Variants in SYT16 observed in about 807,000 individuals in gnomAD.
SYT16 encodes synaptotagmin 16, also known as synaptotagmin-16.
Under a neutral mutation model 61.4 loss-of-function variants are expected in SYT16, and 42 were observed. The ratio of observed to expected loss-of-function variants is 0.68; its 90% CI spans 0.53 to 0.89. SYT16 has a LOEUF of 0.89. Ranked by LOEUF, SYT16 falls within the 40% of genes least tolerant of loss-of-function variation. The pLI is 0.00. For synonymous variants in SYT16, 314 were observed against 302.3 expected, an observed-to-expected ratio of 1.04 and a Z score of -0.40; for missense variants, 804 against 807.3, an observed-to-expected ratio of 1.00 and a Z score of 0.05.
intron 1 of SYT16, among the ~76,000 whole-genome samples, chr14:61,926,415 T>C (rs949772872): frequency 2.4e-4 from 36 of 152,180 alleles, no homozygotes; most frequent in Non-Finnish European, 5.0e-4. Context: ...TCAGTCTCTG[T>C]ATGGGGAATG....
chr14:62,060,429 A>AGTT (rs1193563361), intron 3 of SYT16, among the ~76,000 whole-genome samples: 1 of 150,954 alleles, frequency 6.6e-6, no homozygotes, highest in African/African-American at 2.4e-5. Context: ...TAGTTCTCAC[A>AGTT]GTTGATTTTA....
chr14:62,047,982 T>C (rs1595260930), intron 3 of SYT16, among the ~76,000 whole-genome samples: 3 of 152,258 alleles, frequency 2.0e-5, no homozygotes, highest in Admixed American at 2.0e-4. Context: ...AGGATGATGC[T>C]GGCCTCATAA....
At chr14:61,829,946 G>A (rs1464475464) in intron 1 of SYT16, among the ~76,000 whole-genome samples, 1 of 152,124 alleles carries the variant, frequency 6.6e-6, no homozygotes, top group Non-Finnish European at 1.5e-5. Context: ...GAGCCACCAT[G>A]CCCGGCTTTA....
At position 61,886,880 on chromosome 14, in the gene SYT16, CT is replaced by C. The variant is rs371140698; in HGVS notation, c.-325+74085del. 1.7e-3 allele frequency among the ~76,000 whole-genome samples: 184 copies of C among 110,842 alleles called. 4 individuals carry two copies. In the East Asian group the frequency reaches 0.026, roughly 16 times the overall value. 72.7% of individuals were successfully genotyped at this position (110,842 alleles called of 152,430 possible). On this transcript the variant is annotated intron_variant, in intron 1 of 7. Coordinates refer to ENST00000683842, the MANE Select transcript of SYT16 (RefSeq NM_001367656.1). ...GGAGTTACGCTTATTTTTTTTTTGT[CT>C]TTTTTTTTTTTTTTGTCTTTTTTTT...
At chr14:61,934,713 C>T (rs1305840699) in intron 1 of SYT16, among the ~76,000 whole-genome samples, 1 of 152,196 alleles carries the variant, frequency 6.6e-6, no homozygotes, top group African/African-American at 2.4e-5. Context: ...CTTGTGGAAC[C>T]TGGGACAAAT....
intron 7 of SYT16, among the ~76,000 whole-genome samples, chr14:62,089,835 C>T (rs1053516110): frequency 6.6e-6 from 1 of 152,228 alleles, no homozygotes; most frequent in African/African-American, 2.4e-5. Flanking sequence ...TGTATAGTGT[C>T]TAGCAGACAT....
intron 3 of SYT16, among the ~76,000 whole-genome samples, chr14:62,050,317 C>T (rs921524681): frequency 1.3e-5 from 2 of 152,210 alleles, no homozygotes; most frequent in African/African-American, 4.8e-5. Flanking sequence ...TGGTTTTCAG[C>T]TCCATCAGGT....
Position 61,931,149 on chromosome 14 carries a change from C to T in SYT16, c.-324-38983C>T, listed in dbSNP as rs76406771. 5.9e-3 allele frequency among the ~76,000 whole-genome samples: 896 copies of T among 152,166 alleles called. 10 individuals are homozygous for T. The highest frequency in any genetic ancestry group is 0.02 in the African/African-American group (839 of 41,532). Reference sequence around the variant, plus strand: ...TTCTTGTCTTTAAGGCTTTCAGTGGCTCCCCTACCTCCACACTGTCTATGC... The same window carrying T: ...TTCTTGTCTTTAAGGCTTTCAGTGGTTCCCCTACCTCCACACTGTCTATGC... On this transcript the variant is annotated intron_variant, in intron 1 of 7. Transcript: ENST00000683842.
At chr14:61,960,469 A>G (rs2051072347) in intron 1 of SYT16, among the ~76,000 whole-genome samples, 1 of 151,948 alleles carries the variant, frequency 6.6e-6, no homozygotes, top group African/African-American at 2.4e-5. Flanking sequence ...GTCTATTGTG[A>G]ATGGGATTTT....
chr14:62,080,461 A>T (rs1270754781), intron 5 of SYT16, among the ~76,000 whole-genome samples: 1 of 152,220 alleles, frequency 6.6e-6, no homozygotes, highest in Admixed American at 6.5e-5. Flanking sequence ...TAGGGACACA[A>T]GGAAAAGTTG....
chr14:61,837,218 G>A (rs1454395227), intron 1 of SYT16, among the ~76,000 whole-genome samples: 1 of 151,154 alleles, frequency 6.6e-6, no homozygotes, highest in East Asian at 1.9e-4. Flanking sequence ...ATTCTCCACT[G>A]AGTGGCAGAG....
At chr14:61,875,676 G>T (rs1013336213) in intron 1 of SYT16, among the ~76,000 whole-genome samples, 20 of 152,162 alleles carry the variant, frequency 1.3e-4, no homozygotes, top group African/African-American at 4.6e-4. Context: ...AGCTGGGTTG[G>T]TGGATACTCC....
intron 7 of SYT16, among the ~76,000 whole-genome samples, chr14:62,092,054 A>C (rs1006107668): frequency 6.6e-6 from 1 of 152,124 alleles, no homozygotes; most frequent in African/African-American, 2.4e-5. Context: ...ACATTCCTCC[A>C]AAGTTGATAT....
At chr14:61,843,917 AT>A in intron 1 of SYT16, among the ~76,000 whole-genome samples, 1 of 151,888 alleles carries the variant, frequency 6.6e-6, no homozygotes, top group Non-Finnish European at 1.5e-5. Flanking sequence ...AAATTTTAGG[AT>A]TTTTTTCTAT....
chr14:62,102,569 T>A lies in SYT16; in HGVS notation c.*1862T>A, dbSNP rs932175479. 1 of 152,124 alleles carries A rather than the reference T, an allele frequency of 6.6e-6. No homozygotes were observed. Among genetic ancestry groups the A allele is most frequent in the Non-Finnish European group, 1.5e-5 (1 of 68,012 alleles). 9.4% of individuals were successfully genotyped at this position (152,124 alleles called of 1,614,324 possible). On this transcript the variant is annotated 3_prime_UTR_variant, in exon 8 of 8. Transcript: ENST00000683842. ...TTTGCAGCGTGGCTAAGTCATTGAGTAGAACTGAGTGCGATTGATTAAGTA... is the reference window on the plus strand; with the variant it reads ...TTTGCAGCGTGGCTAAGTCATTGAGAAGAACTGAGTGCGATTGATTAAGTA...
chr14:62,022,134 T>G (rs1433110108), intron 3 of SYT16, among the ~76,000 whole-genome samples: 2 of 152,110 alleles, frequency 1.3e-5, no homozygotes, highest in Non-Finnish European at 2.9e-5. Context: ...TACCTACACA[T>G]GTACTCAATC....
intron 3 of SYT16, among the ~76,000 whole-genome samples, chr14:62,034,830 A>G (rs945365593): frequency 2.0e-5 from 3 of 152,174 alleles, no homozygotes; most frequent in Non-Finnish European, 4.4e-5. Context: ...TGTACTGTAT[A>G]CTTAAAATTG....
At chr14:61,824,594 C>A (rs560475695) in intron 1 of SYT16, among the ~76,000 whole-genome samples, 1 of 152,136 alleles carries the variant, frequency 6.6e-6, no homozygotes, top group Non-Finnish European at 1.5e-5. Flanking sequence ...CCTCATGATC[C>A]GCCCGCCTGA....
At chr14:61,998,880 C>T (rs950722860) in intron 3 of SYT16, among the ~76,000 whole-genome samples, 1 of 151,850 alleles carries the variant, frequency 6.6e-6, no homozygotes, top group Non-Finnish European at 1.5e-5. Context: ...ATGTTAAATT[C>T]TGTCAAATGC....
Sources: gnomAD v4.1 joint callset for allele counts (sites outside exome capture counted in the v4.1 genomes callset) on GRCh38, gnomAD v4.1.1 for gene constraint, MANE v1.5 for transcripts, NCBI Gene and HGNC (gene_info 2026-07-23, HGNC 2026-07-21) for gene names.